The following GLIS3 variants were observed in gnomAD, a reference collection of about 807,000 sequenced individuals.
GLIS3 encodes GLIS family zinc finger 3, also known as zinc finger protein GLIS3.
A neutral mutation model predicts 78.6 loss-of-function variants in GLIS3; 53 were observed. That is an observed-to-expected ratio of 0.67 (90% CI 0.54 to 0.85). The LOEUF (loss-of-function observed/expected upper bound fraction) is 0.85, where lower values mean the gene tolerates loss of function less well. GLIS3 is among the 40% of genes least tolerant of loss of function. The pLI is 0.00. For synonymous variants in GLIS3, 684 were observed against 509.9 expected (o/e 1.34, Z -4.60); for missense variants, 1,703 against 1,231.1 (o/e 1.38, Z -5.74).
At chr9:4,390,677 C>G in the GLIS3 span, among the ~76,000 whole-genome samples, 1 of 152,202 alleles carries the variant, frequency 6.6e-6, no homozygotes, top group Non-Finnish European at 1.5e-5. Context: ...ACCTTTCTCT[C>G]AGGCTAGAAG....
chr9:4,275,530 T>C (rs1826904811), intron 2 of GLIS3, among the ~76,000 whole-genome samples: 1 of 150,490 alleles, frequency 6.6e-6, no homozygotes, highest in African/African-American at 2.4e-5. Flanking sequence ...GAGGCCGAGG[T>C]GGAAGGATCG....
At chr9:4,371,621 G>A in the GLIS3 span, among the ~76,000 whole-genome samples, 1 of 151,992 alleles carries the variant, frequency 6.6e-6, no homozygotes, top group Admixed American at 6.6e-5. Flanking sequence ...GGATCCACTA[G>A]GTATAGGACT....
At chr9:4,250,732 T>G (rs975831074) in intron 2 of GLIS3, among the ~76,000 whole-genome samples, 2 of 152,230 alleles carry the variant, frequency 1.3e-5, no homozygotes, top group African/African-American at 2.4e-5. Flanking sequence ...CTTTCCCACC[T>G]TCTTTTGTGG....
chr9:3,898,957 C>A lies in GLIS3; in HGVS notation c.1984-122G>T, dbSNP rs1293178900. 3.3e-6 allele frequency: 4 copies of A among 1,207,384 alleles called. No homozygotes were observed. In the African/African-American group the frequency reaches 6.0e-5, roughly 18 times the overall value. 74.8% of individuals were successfully genotyped at this position (1,207,384 alleles called of 1,614,324 possible). ...ACAAAAATTTATCAAGCAGCAACTA[C>A]GGGTAAGGCACAGAGCTTAACAGAG... On this transcript the variant is annotated intron_variant, in intron 6 of 10. Coordinates refer to ENST00000381971, the MANE Select transcript of GLIS3 (RefSeq NM_001042413.2).
intron 2 of GLIS3, among the ~76,000 whole-genome samples, chr9:4,258,123 T>C (rs972962535): frequency 2.0e-5 from 3 of 152,192 alleles, no homozygotes; most frequent in African/African-American, 2.4e-5. Context: ...TATTTTATTC[T>C]TTCTATTTTC....
At chr9:4,337,531 G>A (rs1817772068) in intron 2 of GLIS3, among the ~76,000 whole-genome samples, 2 of 152,288 alleles carry the variant, frequency 1.3e-5, no homozygotes, top group South Asian at 4.1e-4. Context: ...CTACAATGAT[G>A]TATATTTCCT....
At chr9:4,060,138 G>T (rs1375280855) in intron 4 of GLIS3, among the ~76,000 whole-genome samples, 1 of 152,058 alleles carries the variant, frequency 6.6e-6, no homozygotes, top group Non-Finnish European at 1.5e-5. Context: ...GATGTCTCAG[G>T]CAAGCTCTGA....
At chr9:4,385,497 C>G in the GLIS3 span, among the ~76,000 whole-genome samples, 2 of 151,834 alleles carry the variant, frequency 1.3e-5, no homozygotes, top group Non-Finnish European at 2.9e-5. Context: ...AACCCTGTCT[C>G]TACTAAAAAA....
chr9:4,120,817 G>T lies in GLIS3; in HGVS notation c.597-1936C>A, dbSNP rs561740038. Among the ~76,000 whole-genome samples the T allele has an allele frequency of 3.9e-5, 6 of 152,312 alleles. No homozygotes were observed. The East Asian group carries it at 1.2e-3, about 29-fold the overall frequency. ...GGAGCATATTAGATTGTTAAGTCAT[G>T]ACTAACAGACAGAAGTATGTTATCC... On this transcript the variant is annotated intron_variant, in intron 3 of 10. Coordinates refer to ENST00000381971, the MANE Select transcript of GLIS3 (RefSeq NM_001042413.2).
chr9:4,357,928 C>T, the GLIS3 span, among the ~76,000 whole-genome samples: 2 of 152,108 alleles, frequency 1.3e-5, no homozygotes, highest in Admixed American at 1.3e-4. Context: ...CGCAAATTTC[C>T]ACCATTAGAG....
chr9:3,893,619 G>T (rs1223696326), intron 7 of GLIS3, among the ~76,000 whole-genome samples: 1 of 152,120 alleles, frequency 6.6e-6, no homozygotes, highest in Admixed American at 6.6e-5. Context: ...CAAAATTCAG[G>T]TCATGTTTTC....
chr9:4,459,732 A>G, the GLIS3 span, among the ~76,000 whole-genome samples: 1 of 152,192 alleles, frequency 6.6e-6, no homozygotes, highest in South Asian at 2.1e-4. Flanking sequence ...CAAGTGAGCC[A>G]CTGCAGCCCA....
At chr9:4,078,762 T>C (rs1477355074) in intron 4 of GLIS3, among the ~76,000 whole-genome samples, 3 of 152,202 alleles carry the variant, frequency 2.0e-5, no homozygotes, top group African/African-American at 4.8e-5. Flanking sequence ...AGCTTAAAGT[T>C]TGGCATGAAA....
intron 2 of GLIS3, among the ~76,000 whole-genome samples, chr9:4,265,172 A>C (rs1300079744): frequency 1.3e-5 from 1 of 75,764 alleles, no homozygotes; most frequent in Non-Finnish European, 2.9e-5. Flanking sequence ...ACGCCGTCTC[A>C]AAAAAAAAAA....
At chr9:4,452,496 T>A in the GLIS3 span, among the ~76,000 whole-genome samples, 1 of 152,208 alleles carries the variant, frequency 6.6e-6, no homozygotes, top group Admixed American at 6.5e-5. Flanking sequence ...AAACTCAATG[T>A]GCAGAAATCA....
At chr9:4,009,255 CG>C (rs1413587840) in intron 4 of GLIS3, among the ~76,000 whole-genome samples, 1 of 152,132 alleles carries the variant, frequency 6.6e-6, no homozygotes, top group Non-Finnish European at 1.5e-5. Flanking sequence ...TCGCACAGCC[CG>C]TGTGCAAAGA....
chr9:4,169,949 G>C (rs1001603005), intron 2 of GLIS3, among the ~76,000 whole-genome samples: 1 of 152,100 alleles, frequency 6.6e-6, no homozygotes. Flanking sequence ...ATTTCTCTTA[G>C]ACACAAGCGT....
At chr9:4,163,662 T>C (rs1564138156) in intron 2 of GLIS3, among the ~76,000 whole-genome samples, 1 of 152,218 alleles carries the variant, frequency 6.6e-6, no homozygotes, top group African/African-American at 2.4e-5. Flanking sequence ...GGCCAGTCAT[T>C]GAGTAGCTAC....
At chr9:3,843,804 G>A (rs1330115342) in intron 9 of GLIS3, among the ~76,000 whole-genome samples, 1 of 152,200 alleles carries the variant, frequency 6.6e-6, no homozygotes, top group African/African-American at 2.4e-5. Context: ...TGTCACAATG[G>A]CAAGGAAATT....
Sources: gnomAD v4.1 joint callset for allele counts (sites outside exome capture counted in the v4.1 genomes callset) on GRCh38, gnomAD v4.1.1 for gene constraint, MANE v1.5 for transcripts, NCBI Gene and HGNC (gene_info 2026-07-23, HGNC 2026-07-21) for gene names.